The following CKAP5 variants were observed in gnomAD, a reference collection of about 807,000 sequenced individuals.
CKAP5 encodes the protein cytoskeleton associated protein 5.
In CKAP5, 27 loss-of-function variants were observed where a neutral mutation model predicts 232.8. That is an observed-to-expected ratio of 0.12 (90% CI 0.09 to 0.16). The LOEUF is 0.16. Ranked by LOEUF, CKAP5 falls within the 10% of genes least tolerant of loss-of-function variation. The pLI is 1.00. For synonymous variants in CKAP5, 785 were observed against 841.1 expected, an observed-to-expected ratio of 0.93 and a Z score of 1.16; for missense variants, 1,838 against 2,424.7, an observed-to-expected ratio of 0.76 and a Z score of 5.08.
At chr11:46,833,211 T>G (rs529167593) in intron 1 of CKAP5, among the ~76,000 whole-genome samples, 4 of 151,706 alleles carry the variant, frequency 2.6e-5, no homozygotes, top group Non-Finnish European at 5.9e-5. Context: ...CTAAATGAAA[T>G]TAATAGGGGT....
intron 8 of CKAP5, chr11:46,802,450 A>T (rs1305915407): frequency 6.6e-6 from 1 of 152,092 alleles, no homozygotes; most frequent in Non-Finnish European, 1.5e-5. Context: ...AGGCTGAGGC[A>T]AAAGGATCAC....
chr11:46,772,033 C>CT (rs57706275), intron 24 of CKAP5, among the ~76,000 whole-genome samples: 28 of 142,120 alleles, frequency 2.0e-4, no homozygotes, highest in African/African-American at 6.2e-4. Flanking sequence ...CACTGAGCAT[C>CT]TTTTTTTTTT....
At chr11:46,781,641 G>A (rs1183534383) in intron 18 of CKAP5, among the ~76,000 whole-genome samples, 2 of 151,964 alleles carry the variant, frequency 1.3e-5, no homozygotes, top group Admixed American at 6.6e-5. Context: ...CTCTTCCCTT[G>A]GTCTAGAATG....
At chr11:46,805,851 C>T (rs1939141683) in intron 8 of CKAP5, among the ~76,000 whole-genome samples, 1 of 152,176 alleles carries the variant, frequency 6.6e-6, no homozygotes, top group Non-Finnish European at 1.5e-5. Flanking sequence ...GCAGAAGAAT[C>T]ACTTGAACAC....
intron 8 of CKAP5, among the ~76,000 whole-genome samples, chr11:46,805,467 T>C (rs1431262990): frequency 6.6e-6 from 1 of 152,128 alleles, no homozygotes; most frequent in African/African-American, 2.4e-5. Context: ...AAGAGATAAT[T>C]ATAAGGAGGG....
intron 1 of CKAP5, among the ~76,000 whole-genome samples, chr11:46,843,259 G>A (rs149681837): frequency 9.9e-5 from 15 of 152,244 alleles, no homozygotes; most frequent in African/African-American, 3.6e-4. Flanking sequence ...ATAAAGACTG[G>A]CAAATGGGCA....
chr11:46,797,979 G>C lies in CKAP5; in HGVS notation c.1174-10C>G. 6.2e-7 allele frequency: 1 copy of C among 1,608,954 alleles called. No individual in the cohort carries two copies. The highest frequency in any genetic ancestry group is 1.1e-5 in the South Asian group (1 of 89,948). Reference sequence around the variant, plus strand: ...TGTTCTGTAGTGTGGTCTTTAGAAAGAAAATGTGGTTAATGAGCTTTTTTC... The same window carrying C: ...TGTTCTGTAGTGTGGTCTTTAGAAACAAAATGTGGTTAATGAGCTTTTTTC... On this transcript the variant is annotated splice_polypyrimidine_tract_variant and intron_variant, in intron 10 of 43. Transcript: ENST00000529230.
At chr11:46,747,926 G>A (rs1433977738) in intron 42 of CKAP5, among the ~76,000 whole-genome samples, 1 of 152,064 alleles carries the variant, frequency 6.6e-6, no homozygotes, top group African/African-American at 2.4e-5. Flanking sequence ...CAGGCATGGT[G>A]GCATGCACCT....
At chr11:46,779,091 A>G (rs1471453148) in intron 20 of CKAP5, among the ~76,000 whole-genome samples, 1 of 152,116 alleles carries the variant, frequency 6.6e-6, no homozygotes, top group African/African-American at 2.4e-5. Flanking sequence ...AAAACAAACA[A>G]ACAAACAAAA....
chr11:46,779,002 C>A (rs1427450522), intron 20 of CKAP5, among the ~76,000 whole-genome samples: 2 of 152,114 alleles, frequency 1.3e-5, no homozygotes, highest in South Asian at 2.1e-4. Flanking sequence ...ATTGCTTGAA[C>A]CTGGAAGGTG....
At chr11:46,797,680 G>T (rs1938911919) in intron 11 of CKAP5, 125 bp downstream of exon 11, 1 of 906,428 alleles carries the variant, frequency 1.1e-6, no homozygotes, top group Admixed American at 2.9e-5. Flanking sequence ...AGCTGCAAAG[G>T]CTCTGCTCCT....
intron 1 of CKAP5, among the ~76,000 whole-genome samples, chr11:46,833,977 T>G (rs1475647181): frequency 6.6e-6 from 1 of 150,884 alleles, no homozygotes; most frequent in African/African-American, 2.4e-5. Context: ...TCAAGTGATT[T>G]TCCTGCCTCA....
chr11:46,779,506 C>A (rs1450842477), intron 20 of CKAP5, among the ~76,000 whole-genome samples: 1 of 150,216 alleles, frequency 6.7e-6, no homozygotes, highest in African/African-American at 2.5e-5. Flanking sequence ...ACATATTCTT[C>A]ATTCCAGAAA....
At chr11:46,776,948 C>T (rs2065296425) in intron 23 of CKAP5, among the ~76,000 whole-genome samples, 1 of 152,086 alleles carries the variant, frequency 6.6e-6, no homozygotes, top group Non-Finnish European at 1.5e-5. Flanking sequence ...TCAGTGACTT[C>T]TAGAACTATG....
intron 1 of CKAP5, among the ~76,000 whole-genome samples, chr11:46,842,706 G>A (rs1592496287): frequency 2.0e-5 from 3 of 152,142 alleles, no homozygotes; most frequent in East Asian, 3.9e-4. Context: ...GGTGGCTCAC[G>A]CCTGTAATCC....
At chr11:46,784,090 C>A (rs901617364) in intron 17 of CKAP5, among the ~76,000 whole-genome samples, 2 of 151,226 alleles carry the variant, frequency 1.3e-5, no homozygotes, top group African/African-American at 4.9e-5. Context: ...ATCAAAGGGC[C>A]GGGCATGGTG....
intron 13 of CKAP5, among the ~76,000 whole-genome samples, chr11:46,791,387 C>A (rs1227448362): frequency 1.3e-5 from 2 of 151,588 alleles, no homozygotes; most frequent in African/African-American, 2.4e-5. Flanking sequence ...CCCATCTCAG[C>A]TTCCCAAGTA....
chr11:46,789,967 G>C, intron 15 of CKAP5, 109 bp downstream of exon 15: 1 of 666,336 alleles, frequency 1.5e-6, no homozygotes, highest in Non-Finnish European at 2.6e-6. Context: ...CATAAAACGT[G>C]TTCACCGGTT....
At chr11:46,820,192 C>T (rs1045067175) in intron 2 of CKAP5, among the ~76,000 whole-genome samples, 7 of 152,268 alleles carry the variant, frequency 4.6e-5, no homozygotes, top group Non-Finnish European at 7.4e-5. Context: ...ATTTTTGTTG[C>T]AATTTAATGT....
Sources: gnomAD v4.1 joint callset for allele counts (sites outside exome capture counted in the v4.1 genomes callset) on GRCh38, gnomAD v4.1.1 for gene constraint, MANE v1.5 for transcripts, NCBI Gene and HGNC (gene_info 2026-07-23, HGNC 2026-07-21) for gene names.